PRKN: variants seen among roughly 807,000 people sequenced by gnomAD.
The protein encoded by PRKN is parkin RBR E3 ubiquitin protein ligase.
In PRKN, 56 loss-of-function variants were observed where a neutral mutation model predicts 59.5. The observed-to-expected ratio is 0.94, with a 90% confidence interval of 0.76 to 1.18. The LOEUF (loss-of-function observed/expected upper bound fraction) is 1.18, where lower values mean the gene tolerates loss of function less well. Among genes scored for constraint, PRKN ranks in the 50% most tolerant of loss-of-function variants. The pLI, the probability that PRKN is intolerant of heterozygous loss-of-function variation, is 0.00. For synonymous variants in PRKN, 250 were observed against 222.1 expected, an observed-to-expected ratio of 1.13 and a Z score of -1.12; for missense variants, 657 against 596.4, an observed-to-expected ratio of 1.10 and a Z score of -1.06.
chr6:162,280,846 G>T (rs1342261757), intron 2 of PRKN, among the ~76,000 whole-genome samples: 2 of 123,694 alleles, frequency 1.6e-5, no homozygotes, highest in African/African-American at 3.1e-5. Flanking sequence ...AACTAACTAA[G>T]ATCAGAGCAG....
chr6:162,034,025 G>C (rs1783742166), intron 5 of PRKN, among the ~76,000 whole-genome samples: 1 of 151,884 alleles, frequency 6.6e-6, no homozygotes, highest in South Asian at 2.1e-4. Context: ...TAGTATAAAC[G>C]ATCTTTGGGA....
At chr6:162,722,470 A>T (rs1023924423) in intron 1 of PRKN, among the ~76,000 whole-genome samples, 1 of 152,170 alleles carries the variant, frequency 6.6e-6, no homozygotes, top group Non-Finnish European at 1.5e-5. Flanking sequence ...AGGGAGAGAA[A>T]CCATTCAGAT....
chr6:162,615,477 T>C (rs1325219452), intron 1 of PRKN, among the ~76,000 whole-genome samples: 2 of 151,992 alleles, frequency 1.3e-5, no homozygotes, highest in Non-Finnish European at 2.9e-5. Context: ...CACAGACCTA[T>C]GTACACCCTT....
intron 6 of PRKN, among the ~76,000 whole-genome samples, chr6:161,868,012 C>T (rs1193379406): frequency 2.6e-5 from 4 of 151,836 alleles, no homozygotes; most frequent in Middle Eastern, 3.4e-3. Context: ...CCACCACCCT[C>T]GGCCTCCCAA....
chr6:162,432,767 C>T (rs375199538), intron 2 of PRKN, among the ~76,000 whole-genome samples: 1 of 152,012 alleles, frequency 6.6e-6, no homozygotes, highest in African/African-American at 2.4e-5. Flanking sequence ...GATCCTCTTG[C>T]CCTCTATTTT....
chr6:162,472,492 A>T (rs1325347211), intron 1 of PRKN, among the ~76,000 whole-genome samples: 1 of 90,212 alleles, frequency 1.1e-5, no homozygotes, highest in African/African-American at 3.8e-5. Context: ...ATTTTATTTT[A>T]TTTTTTGAGA....
rs1421261545 is a variant in PRKN at position 161,360,002 on chromosome 6, C to G, written c.1285+86G>C. The G allele has an allele frequency of 1.0e-6, 1 of 994,100 alleles. No homozygotes were observed. The highest frequency in any genetic ancestry group is 1.6e-5 in the African/African-American group (1 of 63,284). The allele number at this position is 994,100 out of a possible 1,614,324, so 61.6% of individuals were successfully genotyped here. ...CACACCAGGCACCTTCAGACAGCAT[C>G]TCCTTTAATCCTGGAATCCCTGATG... On this transcript the variant is annotated intron_variant, in intron 11 of 11. Transcript: ENST00000366898. The surrounding 1 kb of genome is among the most constrained non-coding windows in gnomAD (Gnocchi z 5.1).
chr6:161,865,487 G>A (rs1159708810), intron 6 of PRKN, among the ~76,000 whole-genome samples: 1 of 152,128 alleles, frequency 6.6e-6, no homozygotes, highest in African/African-American at 2.4e-5. Flanking sequence ...TACAACAGAA[G>A]GCTGTTTCAT....
chr6:161,720,766 ATTT>A (rs5881428), intron 7 of PRKN, among the ~76,000 whole-genome samples: 87 of 132,226 alleles, frequency 6.6e-4, no homozygotes, highest in African/African-American at 2.3e-3. Flanking sequence ...TTTTAAAACT[ATTT>A]TTTTTTTTTT....
chr6:162,057,516 A>T (rs1180032766), intron 4 of PRKN, among the ~76,000 whole-genome samples: 1 of 152,226 alleles, frequency 6.6e-6, no homozygotes, highest in Non-Finnish European at 1.5e-5. Context: ...GTATAGAAAT[A>T]AAAGAGAGGA....
intron 2 of PRKN, among the ~76,000 whole-genome samples, chr6:162,391,561 A>T (rs1241591605): frequency 6.6e-6 from 1 of 151,566 alleles, no homozygotes; most frequent in African/African-American, 2.4e-5. Flanking sequence ...CTGGAAGATA[A>T]TTTTCTTACT....
intron 1 of PRKN, among the ~76,000 whole-genome samples, chr6:162,660,004 A>G (rs1443835507): frequency 6.6e-6 from 1 of 152,164 alleles, no homozygotes; most frequent in African/African-American, 2.4e-5. Context: ...CATACAAAAT[A>G]CACTCTATTT....
At chr6:162,231,016 G>A (rs954623066) in intron 3 of PRKN, among the ~76,000 whole-genome samples, 7 of 152,186 alleles carry the variant, frequency 4.6e-5, no homozygotes, top group Non-Finnish European at 1.0e-4. Context: ...ACAAATGCTG[G>A]AGGTGCTGAA....
chr6:162,231,366 A>C (rs1318158548), intron 3 of PRKN, among the ~76,000 whole-genome samples: 1 of 152,240 alleles, frequency 6.6e-6, no homozygotes, highest in Non-Finnish European at 1.5e-5. Context: ...GATTTCAGAG[A>C]ATGTGAAGTT....
intron 3 of PRKN, among the ~76,000 whole-genome samples, chr6:162,226,427 C>A (rs575848383): frequency 1.3e-5 from 2 of 152,284 alleles, no homozygotes; most frequent in South Asian, 2.1e-4. Context: ...AAGCATGAAA[C>A]CAGTCCTCAC....
At chr6:161,926,017 T>A (rs937258852) in intron 6 of PRKN, among the ~76,000 whole-genome samples, 1 of 152,206 alleles carries the variant, frequency 6.6e-6, no homozygotes, top group Non-Finnish European at 1.5e-5. Flanking sequence ...AATAGCTTTC[T>A]CTAAACCACT....
intron 2 of PRKN, among the ~76,000 whole-genome samples, chr6:162,413,965 T>G (rs1222069256): frequency 6.6e-6 from 1 of 151,724 alleles, no homozygotes; most frequent in East Asian, 2.0e-4. Context: ...GTGGATCACT[T>G]GAGGTCAAGA....
chr6:162,448,594 C>G (rs2128169791), intron 1 of PRKN, among the ~76,000 whole-genome samples: 1 of 152,162 alleles, frequency 6.6e-6, no homozygotes, highest in Middle Eastern at 3.4e-3. Flanking sequence ...TTCTGGTTTC[C>G]CCTACAAAAG....
rs923491523 is a variant in PRKN, at chr6:161,391,917, T to G, written c.1084-5040A>C. Among the ~76,000 whole-genome samples the G allele has an allele frequency of 2.6e-5, 4 of 151,886 alleles. No individual in the cohort carries two copies. Among genetic ancestry groups the G allele is most frequent in the African/African-American group, 9.7e-5 (4 of 41,286 alleles). On this transcript the variant is annotated intron_variant, in intron 9 of 11. Coordinates refer to ENST00000366898, the MANE Select transcript of PRKN (RefSeq NM_004562.3). This position sits in a 1 kb window ranked among gnomAD's most constrained non-coding sequence, Gnocchi z 4.9. ...CCTGAAACCGTGTAAGCCACTTCCT[T>G]CCAGTAAATCTCTCCATATATCTGT... is the stretch of plus-strand genomic sequence containing the variant.
Sources: allele counts gnomAD v4.1 joint callset (sites outside exome capture counted in the v4.1 genomes callset), GRCh38; gene constraint gnomAD v4.1.1; non-coding constraint Gnocchi (gnomAD v3.1); transcripts MANE v1.5; gene names NCBI Gene and HGNC (gene_info 2026-07-23, HGNC 2026-07-21).